Variants in RAD54B observed in about 807,000 individuals in gnomAD.
RAD54B encodes the protein DNA repair and recombination protein RAD54B.
Under a neutral mutation model 95.8 loss-of-function variants are expected in RAD54B, and 78 were observed. That is an observed-to-expected ratio of 0.81 (90% confidence interval 0.68 to 0.98). The LOEUF is 0.98. Ranked by LOEUF, RAD54B falls within the 50% of genes least tolerant of loss-of-function variation. The pLI, the probability that RAD54B is intolerant of heterozygous loss-of-function variation, is 0.00. For synonymous variants in RAD54B, 328 were observed against 354.9 expected (o/e 0.92, Z 0.85); for missense variants, 957 against 1,056.6 (o/e 0.91, Z 1.31).
intron 2 of RAD54B, among the ~76,000 whole-genome samples, chr8:94,459,221 T>C (rs1459240459): frequency 6.6e-6 from 1 of 151,940 alleles, no homozygotes; most frequent in Admixed American, 6.6e-5. Context: ...GTCACGACCA[T>C]AGCTCATTGC....
At chr8:94,385,576 G>A (rs1297514145) in intron 11 of RAD54B, among the ~76,000 whole-genome samples, 1 of 152,164 alleles carries the variant, frequency 6.6e-6, no homozygotes, top group Non-Finnish European at 1.5e-5. Context: ...TCTGAGATAG[G>A]AGAAAGCATG....
At chr8:94,390,058 G>A (rs901881290) in intron 10 of RAD54B, among the ~76,000 whole-genome samples, 7 of 151,936 alleles carry the variant, frequency 4.6e-5, no homozygotes, top group Non-Finnish European at 5.9e-5. Flanking sequence ...TTTAAGTTGC[G>A]GCTGGGCGCA....
chr8:94,449,876 T>C (rs568196159), intron 3 of RAD54B, among the ~76,000 whole-genome samples: 27 of 152,328 alleles, frequency 1.8e-4, no homozygotes, highest in Middle Eastern at 3.4e-3. Context: ...TTCTTAATCC[T>C]GACAACTAGG....
chr8:94,462,689 GGCA>G (rs1238042277), intron 2 of RAD54B, among the ~76,000 whole-genome samples: 1 of 152,052 alleles, frequency 6.6e-6, no homozygotes, highest in Non-Finnish European at 1.5e-5. Context: ...GTAAAAAGAC[GGCA>G]GAGTTGACTG....
intron 2 of RAD54B, among the ~76,000 whole-genome samples, chr8:94,467,119 G>T (rs1586044074): frequency 1.3e-5 from 2 of 151,952 alleles, no homozygotes; most frequent in Non-Finnish European, 2.9e-5. Context: ...GTAGAGACAG[G>T]GTCTCACTAT....
rs531596973 is a variant in RAD54B at position 94,384,229 on chromosome 8, A to C, written c.1985+2755T>G. On this transcript the variant is annotated intron_variant, in intron 11 of 14. Transcript: ENST00000336148. Reference sequence around the variant, plus strand: ...CACAGCAACATTATTCACAAGAGCCAAAAAGTAGAGACAACCCAAGTGTTC... The same window carrying C: ...CACAGCAACATTATTCACAAGAGCCCAAAAGTAGAGACAACCCAAGTGTTC... Among the ~76,000 whole-genome samples, 24 of 152,346 alleles carry C rather than the reference A, an allele frequency of 1.6e-4. 1 individual carries two copies. Among genetic ancestry groups the C allele is most frequent in the Admixed American group, 1.4e-3 (22 of 15,308 alleles).
At chr8:94,400,516 T>G in intron 6 of RAD54B, 53 bp from the exon 7 acceptor site, 1 of 1,401,638 alleles carries the variant, frequency 7.1e-7, no homozygotes, top group Non-Finnish European at 9.7e-7. Flanking sequence ...TATTTTATGC[T>G]CTTAAAATCA....
chr8:94,422,651 T>TATAAAA (rs1554606269), intron 3 of RAD54B, among the ~76,000 whole-genome samples: 24 of 88,884 alleles, frequency 2.7e-4, no homozygotes, highest in South Asian at 1.2e-3. Flanking sequence ...TATATATATA[T>TATAAAA]ATAAAATTAT....
At chr8:94,451,002 T>C (rs910822751) in intron 3 of RAD54B, among the ~76,000 whole-genome samples, 2 of 152,136 alleles carry the variant, frequency 1.3e-5, no homozygotes, top group African/African-American at 4.8e-5. Flanking sequence ...TATGAGCTGA[T>C]GGTTTTTAAT....
At chr8:94,432,858 C>G (rs1812149313) in intron 3 of RAD54B, among the ~76,000 whole-genome samples, 1 of 151,950 alleles carries the variant, frequency 6.6e-6, no homozygotes, top group Non-Finnish European at 1.5e-5. Flanking sequence ...ACAGATCTCC[C>G]CCATCCTTAA....
chr8:94,412,084 T>C (rs373065243), intron 3 of RAD54B, among the ~76,000 whole-genome samples: 1 of 152,274 alleles, frequency 6.6e-6, no homozygotes, highest in South Asian at 2.1e-4. Flanking sequence ...TCTAAGAGTT[T>C]GACTTTTTTG....
Position 94,384,540 on chromosome 8 carries a change from CTGAAAT to C in RAD54B, c.1985+2438_1985+2443del, listed in dbSNP as rs1810824309. ...ATAGATTTCAGTTTTGTTTGCAAAACTGAAATAGTATTTCAGTTTTGTTTGCAAGAT... is the reference window on the plus strand; with the variant it reads ...ATAGATTTCAGTTTTGTTTGCAAAACAGTATTTCAGTTTTGTTTGCAAGAT... On this transcript the variant is annotated intron_variant, in intron 11 of 14. Coordinates refer to ENST00000336148, the MANE Select transcript of RAD54B (RefSeq NM_012415.3). Among the ~76,000 whole-genome samples, 7 of 5,526 alleles carry C rather than the reference CTGAAAT, an allele frequency of 1.3e-3. No individual in the cohort carries two copies. The Non-Finnish European group carries it at 0.024, about 19-fold the overall frequency. 3.6% of individuals were successfully genotyped at this position (5,526 alleles called of 152,430 possible).
intron 3 of RAD54B, among the ~76,000 whole-genome samples, chr8:94,419,416 G>A (rs753491826): frequency 5.1e-4 from 77 of 152,122 alleles, no homozygotes; most frequent in Non-Finnish European, 9.4e-4. Flanking sequence ...GTTGAGGCAG[G>A]AGAATTGCTT....
intron 3 of RAD54B, among the ~76,000 whole-genome samples, chr8:94,420,486 A>T (rs1811777706): frequency 6.6e-6 from 1 of 151,612 alleles, no homozygotes; most frequent in African/African-American, 2.4e-5. Context: ...TGTCGAACTC[A>T]TGAGCTTAAG....
Position 94,399,458 on chromosome 8 carries a change from G to A in RAD54B, c.1334C>T (p.Thr445Ile), listed in dbSNP as rs754150106. 8.7e-6 allele frequency: 14 copies of A among 1,613,600 alleles called. No homozygotes were observed. The highest frequency in any genetic ancestry group is 4.5e-5 in the East Asian group (2 of 44,860). The change falls in exon 8 of 15, where the codon ACA becomes ATA. Residue 445 changes from threonine (T) to isoleucine (I), a missense_variant. Physicochemically the swap from Thr to Ile is moderately conservative, Grantham distance 89. Coordinates refer to ENST00000336148, the MANE Select transcript of RAD54B (RefSeq NM_012415.3). ...CTCACAAGAAAGGCTAATGAGGGCTGTAGTTGTCTTAATGGCACTGTTCTT... is the reference window on the plus strand; with the variant it reads ...CTCACAAGAAAGGCTAATGAGGGCTATAGTTGTCTTAATGGCACTGTTCTT... Reference protein sequence around the residue: ...RLKNSAIKTTTALISLSCEKR... With the variant: ...RLKNSAIKTTIALISLSCEKR...
intron 3 of RAD54B, among the ~76,000 whole-genome samples, chr8:94,445,818 A>C (rs111784554): frequency 6.6e-6 from 1 of 152,186 alleles, no homozygotes; most frequent in Non-Finnish European, 1.5e-5. Context: ...GGCATGAACC[A>C]CCACACTTAG....
In RAD54B at chr8:94,387,079, G is replaced by C. The variant is rs1326861595; in HGVS notation, c.1890C>G (p.Asp630Glu). ...YKGLLSVFPA[D>E]YNPLLFTEKE... Reference sequence around the variant, plus strand: ...TTTCAGTAAACAGGAGAGGGTTGTAGTCAGCAGGAAACACACTTAGCAAGC... The same window carrying C: ...TTTCAGTAAACAGGAGAGGGTTGTACTCAGCAGGAAACACACTTAGCAAGC... The change falls in exon 11 of 15, where the codon GAC (aspartate) becomes GAG (glutamate). Residue 630 changes from aspartate (D) to glutamate (E), a missense_variant. Physicochemically the swap from Asp to Glu is conservative, Grantham distance 45. Transcript: ENST00000336148. 6.2e-7 allele frequency: 1 copy of C among 1,613,472 alleles called. No homozygotes were observed. Among genetic ancestry groups the C allele is most frequent in the African/African-American group, 1.3e-5 (1 of 74,924 alleles).
In RAD54B at chr8:94,393,894, C is replaced by CAAAAA; in HGVS notation, c.1379-17_1379-13dup. ...CTGAATTGGAGTACCTAAAGAGAGA[C>CAAAAA]AAAAATGAGTAAAAGGTCAAGTTTG... On this transcript the variant is annotated splice_polypyrimidine_tract_variant and intron_variant, in intron 8 of 14. Coordinates refer to ENST00000336148, the MANE Select transcript of RAD54B (RefSeq NM_012415.3). 1 of 1,565,216 alleles carries CAAAAA rather than the reference C, an allele frequency of 6.4e-7. No individual in the cohort carries two copies. The highest frequency in any genetic ancestry group is 1.4e-5 in the African/African-American group (1 of 72,162).
In RAD54B at chr8:94,407,714, C is replaced by T. The variant is rs1205208856; in HGVS notation, c.506G>A (p.Gly169Asp). The T allele has an allele frequency of 3.7e-6, 6 of 1,608,962 alleles. No homozygotes were observed. The highest frequency in any genetic ancestry group is 1.7e-5 in the Admixed American group (1 of 59,574). Residue 169 changes from glycine to aspartate, a missense_variant, in exon 5 of 15, where the codon GGT (glycine) becomes GAT (aspartate). Physicochemically the swap from Gly to Asp is moderately conservative, Grantham distance 94. Transcript: ENST00000336148. ...LEGKDIGRGI[G>D]YKFKELEKIE... is the part of the protein sequence containing the mutation. The stretch of plus-strand genomic sequence containing the variant: ...CTTTTCAAGCTCTTTGAATTTATAA[C>T]CAATGCCTTTAAGTTAAGAAAGAAA...
Sources: allele counts gnomAD v4.1 joint callset (sites outside exome capture counted in the v4.1 genomes callset), GRCh38; gene constraint gnomAD v4.1.1; transcripts MANE v1.5; gene names NCBI Gene and HGNC (gene_info 2026-07-23, HGNC 2026-07-21).